Variants in DPP10 observed in about 807,000 individuals in gnomAD.
DPP10 encodes the protein dipeptidyl peptidase like 10.
In DPP10, 33 loss-of-function variants were observed where a neutral mutation model predicts 120.9. That is an observed-to-expected ratio of 0.27 (90% CI 0.21 to 0.37). The LOEUF is 0.37. DPP10 is among the 10% of genes least tolerant of loss of function. DPP10 has a pLI of 1.00. For synonymous variants in DPP10, 337 were observed against 326.1 expected (o/e 1.03, Z -0.36); for missense variants, 816 against 942.8 (o/e 0.87, Z 1.76).
chr2:115,014,413 C>T (rs1192368995), intron 1 of DPP10, among the ~76,000 whole-genome samples: 1 of 151,840 alleles, frequency 6.6e-6, no homozygotes, highest in Non-Finnish European at 1.5e-5. Context: ...AAACTGACAC[C>T]CTAACATGAT....
chr2:114,929,829 A>C (rs1227257451), intron 1 of DPP10, among the ~76,000 whole-genome samples: 2 of 152,232 alleles, frequency 1.3e-5, no homozygotes, highest in African/African-American at 4.8e-5. Flanking sequence ...AGGAAGTGAT[A>C]AATGTCCATG....
intron 1 of DPP10, among the ~76,000 whole-genome samples, chr2:114,543,900 T>G (rs1270594818): frequency 6.6e-6 from 1 of 152,018 alleles, no homozygotes; most frequent in Non-Finnish European, 1.5e-5. Flanking sequence ...TGGTGGTTGT[T>G]TTTGTTTGTT....
At chr2:115,746,262 G>A in intron 10 of DPP10, 79 bp downstream of exon 10, 6 of 1,216,218 alleles carry the variant, frequency 4.9e-6, no homozygotes, top group Non-Finnish European at 7.2e-6. Flanking sequence ...TTTAGAGAGA[G>A]ATGTGATCAG....
At chr2:115,427,872 A>G (rs2070625783) in intron 3 of DPP10, among the ~76,000 whole-genome samples, 1 of 152,212 alleles carries the variant, frequency 6.6e-6, no homozygotes, top group South Asian at 2.1e-4. Context: ...TCTTTTAAAT[A>G]TAACTTCCAA....
chr2:115,277,256 C>A (rs1022656599), intron 1 of DPP10, among the ~76,000 whole-genome samples: 1 of 152,076 alleles, frequency 6.6e-6, no homozygotes, highest in South Asian at 2.1e-4. Context: ...GCCTGACTTA[C>A]CATTTCAGAA....
intron 1 of DPP10, among the ~76,000 whole-genome samples, chr2:114,818,889 T>G (rs1462883483): frequency 3.9e-5 from 6 of 152,134 alleles, no homozygotes; most frequent in African/African-American, 1.4e-4. Flanking sequence ...TGTGAGGGGT[T>G]TTAATTATTT....
intron 1 of DPP10, among the ~76,000 whole-genome samples, chr2:114,530,342 C>A (rs951948704): frequency 5.9e-5 from 9 of 152,112 alleles, no homozygotes; most frequent in African/African-American, 2.2e-4. Context: ...AAAAGTATCT[C>A]TAGCTAAGGC....
intron 1 of DPP10, among the ~76,000 whole-genome samples, chr2:114,915,357 T>C (rs1295021045): frequency 1.3e-5 from 2 of 152,174 alleles, no homozygotes; most frequent in African/African-American, 2.4e-5. Flanking sequence ...CTCAGATTTA[T>C]AAAACAAGTT....
At position 115,610,736 on chromosome 2, in the gene DPP10, C is replaced by G. The variant is rs76594715; in HGVS notation, c.442-78951C>G. Among the ~76,000 whole-genome samples the G allele has an allele frequency of 5.2e-3, 794 of 152,180 alleles. 8 individuals carry two copies. The highest frequency in any genetic ancestry group is 0.018 in the African/African-American group (760 of 41,516). On this transcript the variant is annotated intron_variant, in intron 5 of 25. Coordinates refer to ENST00000410059, the MANE Select transcript of DPP10 (RefSeq NM_020868.6). ...AGATCTTGAGTAACCTGACAATAAG[C>G]TATATGTGCTCTTTAAATTCTATAT...
chr2:115,712,373 A>G (rs1365277771), intron 7 of DPP10, among the ~76,000 whole-genome samples: 2 of 150,916 alleles, frequency 1.3e-5, no homozygotes, highest in African/African-American at 4.9e-5. Flanking sequence ...GGCTGTAAGC[A>G]CAGATGAAGC....
At chr2:114,940,150 T>C (rs1558901076) in intron 1 of DPP10, among the ~76,000 whole-genome samples, 1 of 152,298 alleles carries the variant, frequency 6.6e-6, no homozygotes, top group East Asian at 1.9e-4. Context: ...ATTTCTGAAC[T>C]GCTCTCCTTT....
chr2:115,790,248 T>C (rs1209429361), intron 17 of DPP10, among the ~76,000 whole-genome samples: 1 of 150,250 alleles, frequency 6.7e-6, no homozygotes, highest in East Asian at 2.0e-4. Flanking sequence ...CCCGGCTAAT[T>C]TTTTGTATTT....
chr2:115,408,056 T>A (rs1331929847), intron 3 of DPP10, among the ~76,000 whole-genome samples: 1 of 151,898 alleles, frequency 6.6e-6, no homozygotes, highest in Non-Finnish European at 1.5e-5. Flanking sequence ...TTCCTCTTTC[T>A]TTCCCCCATT....
intron 1 of DPP10, among the ~76,000 whole-genome samples, chr2:115,060,524 C>T (rs563500161): frequency 1.2e-4 from 18 of 152,172 alleles, no homozygotes; most frequent in African/African-American, 3.6e-4. Context: ...CCTGGAACTT[C>T]GAGACTGCAG....
chr2:115,027,555 G>A (rs1246509960), intron 1 of DPP10, among the ~76,000 whole-genome samples: 1 of 152,024 alleles, frequency 6.6e-6, no homozygotes, highest in Non-Finnish European at 1.5e-5. Context: ...TGAGGATTTT[G>A]CATTTATTTT....
intron 1 of DPP10, among the ~76,000 whole-genome samples, chr2:115,016,669 CA>C (rs1702663721): frequency 6.6e-6 from 1 of 150,786 alleles, no homozygotes; most frequent in Non-Finnish European, 1.5e-5. Context: ...AAAAAAAAAA[CA>C]ACCCATCAAC....
In DPP10 at chr2:114,895,328, A is replaced by G. The variant is rs58803966; in HGVS notation, c.61-413911A>G. 2.8e-3 allele frequency among the ~76,000 whole-genome samples: 425 copies of G among 152,384 alleles called. 3 individuals carry two copies. The highest frequency in any genetic ancestry group is 9.7e-3 in the African/African-American group (405 of 41,598). On this transcript the variant is annotated intron_variant, in intron 1 of 25. Coordinates refer to ENST00000410059, the MANE Select transcript of DPP10 (RefSeq NM_020868.6). The stretch of plus-strand genomic sequence containing the variant: ...GAAGAATTGAAGCACTATGGTGATC[A>G]TTAGAGACTCACCAAACCCCTTCCT...
intron 3 of DPP10, among the ~76,000 whole-genome samples, chr2:115,492,352 G>A (rs1448455): frequency 0.55 from 83,649 of 151,950 alleles, 24,518 homozygotes; most frequent in Non-Finnish European, 0.67. Context: ...TGCTTATAAA[G>A]TTTTGGGGGT....
intron 1 of DPP10, among the ~76,000 whole-genome samples, chr2:114,459,226 C>A (rs972985218): frequency 1.3e-5 from 2 of 152,218 alleles, no homozygotes; most frequent in African/African-American, 4.8e-5. Flanking sequence ...TGACCTTCTT[C>A]TCTTGTTCAG....
Sources: gnomAD v4.1 joint callset for allele counts (sites outside exome capture counted in the v4.1 genomes callset) on GRCh38, gnomAD v4.1.1 for gene constraint, MANE v1.5 for transcripts, NCBI Gene and HGNC (gene_info 2026-07-23, HGNC 2026-07-21) for gene names.